BCL2: variants seen among roughly 807,000 people sequenced by gnomAD.
BCL2 encodes the protein BCL2 apoptosis regulator, also known as apoptosis regulator Bcl-2.
A neutral mutation model predicts 14.2 loss-of-function variants in BCL2; 1 was observed. The ratio of observed to expected loss-of-function variants is 0.07; its 90% CI spans 0.02 to 0.33. The LOEUF (loss-of-function observed/expected upper bound fraction) is 0.33. Among genes scored for constraint, BCL2 ranks in the 10% least tolerant of loss-of-function variants. The pLI is 0.99. For synonymous variants in BCL2, 151 were observed against 137.2 expected (o/e 1.10, Z -0.70); for missense variants, 247 against 305.9 (o/e 0.81, Z 1.44).
At chr18:63,233,407 T>C (rs1298192486) in intron 2 of BCL2, among the ~76,000 whole-genome samples, 7 of 152,218 alleles carry the variant, frequency 4.6e-5, no homozygotes, top group Non-Finnish European at 1.5e-5. Flanking sequence ...TGATACTAGT[T>C]ATTGTTTATG....
intron 2 of BCL2, among the ~76,000 whole-genome samples, chr18:63,155,268 G>T (rs1409838423): frequency 3.9e-5 from 6 of 152,188 alleles, no homozygotes; most frequent in Admixed American, 3.9e-4. Flanking sequence ...AAAGGCTCGG[G>T]ACAGCAGGGC....
intron 2 of BCL2, among the ~76,000 whole-genome samples, chr18:63,263,340 T>C (rs970413028): frequency 3.9e-5 from 6 of 152,204 alleles, no homozygotes; most frequent in East Asian, 1.9e-4. Flanking sequence ...TCCACTGGGA[T>C]TGTTGCCAGA....
chr18:63,202,023 C>A (rs1909709825), intron 2 of BCL2, among the ~76,000 whole-genome samples: 1 of 151,994 alleles, frequency 6.6e-6, no homozygotes, highest in Admixed American at 6.6e-5. Context: ...AAATGTATTC[C>A]TTTGGCTGGG....
intron 2 of BCL2, among the ~76,000 whole-genome samples, chr18:63,136,591 G>T (rs1914216341): frequency 6.6e-6 from 1 of 152,232 alleles, no homozygotes; most frequent in Non-Finnish European, 1.5e-5. Flanking sequence ...GAGAAAAAAA[G>T]GAAAAGACTC....
chr18:63,258,105 G>T (rs1200795114), intron 2 of BCL2, among the ~76,000 whole-genome samples: 2 of 152,150 alleles, frequency 1.3e-5, no homozygotes, highest in Non-Finnish European at 2.9e-5. Flanking sequence ...ATGTGAGGAG[G>T]GACACACAGG....
chr18:63,249,708 T>TAA (rs1911251137), intron 2 of BCL2, among the ~76,000 whole-genome samples: 1 of 22,476 alleles, frequency 4.4e-5, no homozygotes, highest in African/African-American at 2.0e-4. Flanking sequence ...AGACTCCGCC[T>TAA]CAAAAAAAAA....
At chr18:63,285,149 G>A (rs563955531) in intron 2 of BCL2, among the ~76,000 whole-genome samples, 1 of 152,228 alleles carries the variant, frequency 6.6e-6, no homozygotes, top group South Asian at 2.1e-4. Flanking sequence ...GCAGCAGCTG[G>A]AGAGAAGGGG....
At position 63,172,234 on chromosome 18, in the gene BCL2, G is replaced by T. The variant is rs1915238436; in HGVS notation, c.586-43475C>A. 2.6e-5 allele frequency among the ~76,000 whole-genome samples: 4 copies of T among 152,258 alleles called. No individual in the cohort carries two copies. In the South Asian group the frequency reaches 8.3e-4, roughly 32 times the overall value. On this transcript the variant is annotated intron_variant, in intron 2 of 2. Transcript: ENST00000333681. ...AAAGATGGACAGAGCACTTCACCTGGTAATTACTTTTCACATCCTTTCATT... is the reference window on the plus strand; with the variant it reads ...AAAGATGGACAGAGCACTTCACCTGTTAATTACTTTTCACATCCTTTCATT...
intron 2 of BCL2, among the ~76,000 whole-genome samples, chr18:63,229,463 T>G (rs920916139): frequency 6.6e-6 from 1 of 152,084 alleles, no homozygotes; most frequent in African/African-American, 2.4e-5. Context: ...AAGGAGGAGG[T>G]GACTGGATCA....
At chr18:63,277,584 T>C (rs879845809) in intron 2 of BCL2, among the ~76,000 whole-genome samples, 171 of 150,948 alleles carry the variant, frequency 1.1e-3, no homozygotes, top group Non-Finnish European at 2.0e-3. Context: ...CTTTTTTTTT[T>C]TTTTTTTTAA....
intron 2 of BCL2, among the ~76,000 whole-genome samples, chr18:63,290,240 A>G (rs185159534): frequency 2.6e-5 from 4 of 152,336 alleles, no homozygotes; most frequent in Admixed American, 2.6e-4. Context: ...AACTGCCAAC[A>G]GGAAGTCCAG....
intron 2 of BCL2, among the ~76,000 whole-genome samples, chr18:63,216,809 G>A (rs1910218212): frequency 6.6e-6 from 1 of 152,184 alleles, no homozygotes. Context: ...TGTGATTCTG[G>A]CTTGATTCGT....
chr18:63,237,871 T>C (rs1444157634), intron 2 of BCL2, among the ~76,000 whole-genome samples: 1 of 152,202 alleles, frequency 6.6e-6, no homozygotes, highest in African/African-American at 2.4e-5. Context: ...TTTAAATAGT[T>C]TTTTTTAAAA....
chr18:63,318,390 C>T lies in BCL2; in HGVS notation c.277G>A (p.Val93Ile). The T allele has an allele frequency of 6.3e-7, 1 of 1,581,738 alleles. No individual in the cohort carries two copies. ...GPALSPVPPV[V>I]HLTLRQAGDD... ...CCGGCCTGGCGGAGGGTCAGGTGGA[C>T]CACAGGTGGCACCGGGCTGAGCGCA... The change falls in exon 2 of 3, where the codon GTC becomes ATC. Residue 93 changes from valine (V) to isoleucine (I), a missense_variant. Coordinates refer to ENST00000333681, the MANE Select transcript of BCL2 (RefSeq NM_000633.3). The surrounding 1 kb of genome is among the most constrained non-coding windows in gnomAD (Gnocchi z 7.4).
intron 2 of BCL2, among the ~76,000 whole-genome samples, chr18:63,229,826 T>A (rs1177492754): frequency 6.6e-6 from 1 of 152,238 alleles, no homozygotes; most frequent in Non-Finnish European, 1.5e-5. Context: ...AAATGTCACA[T>A]CCATGAGGAT....
intron 2 of BCL2, among the ~76,000 whole-genome samples, chr18:63,169,715 G>A (rs1439313286): frequency 6.6e-6 from 1 of 151,742 alleles, no homozygotes; most frequent in African/African-American, 2.4e-5. Flanking sequence ...GTAGAGAAGG[G>A]GGTTTCACCA....
intron 2 of BCL2, among the ~76,000 whole-genome samples, chr18:63,233,566 A>C (rs1910743477): frequency 1.3e-5 from 2 of 152,170 alleles, no homozygotes. Flanking sequence ...CCTCGGGTGC[A>C]CAGTTCACAA....
intron 2 of BCL2, among the ~76,000 whole-genome samples, chr18:63,243,991 C>T (rs1400529052): frequency 6.6e-6 from 1 of 152,270 alleles, no homozygotes; most frequent in Non-Finnish European, 1.5e-5. Context: ...CGCCTGTAAT[C>T]CCAGCACTTT....
chr18:63,163,000 A>C lies in BCL2; in HGVS notation c.586-34241T>G, dbSNP rs186038741. On this transcript the variant is annotated intron_variant, in intron 2 of 2. Transcript: ENST00000333681. Reference sequence around the variant, plus strand: ...CTCCTGAGTAGCTGGGACTATAGGCATGTGCCACTATGTCTGGCTAGTTTT... The same window carrying C: ...CTCCTGAGTAGCTGGGACTATAGGCCTGTGCCACTATGTCTGGCTAGTTTT... 6.6e-5 allele frequency among the ~76,000 whole-genome samples: 10 copies of C among 152,290 alleles called. No homozygotes were observed. In the East Asian group the frequency reaches 1.9e-3, roughly 29 times the overall value.
Sources: allele counts gnomAD v4.1 joint callset (sites outside exome capture counted in the v4.1 genomes callset), GRCh38; gene constraint gnomAD v4.1.1; non-coding constraint Gnocchi (gnomAD v3.1); transcripts MANE v1.5; gene names NCBI Gene and HGNC (gene_info 2026-07-23, HGNC 2026-07-21).